SH3KBP1: variants seen among roughly 807,000 people sequenced by gnomAD.
The protein encoded by SH3KBP1 is SH3 domain-containing kinase-binding protein 1.
SH3KBP1 carries 8 observed loss-of-function variants against 50.1 expected under a neutral mutation model. The observed-to-expected ratio is 0.16, with a 90% CI of 0.09 to 0.29. The LOEUF is 0.29. Among genes scored for constraint, SH3KBP1 ranks in the 10% least tolerant of loss-of-function variants. The pLI is 1.00. For synonymous variants in SH3KBP1, 227 were observed against 218.6 expected, an observed-to-expected ratio of 1.04 and a Z score of -0.34; for missense variants, 377 against 535.2, an observed-to-expected ratio of 0.70 and a Z score of 2.92.
intron 4 of SH3KBP1, among the ~76,000 whole-genome samples, chrX:19,699,385 G>A (rs1022809112): frequency 1.8e-5 from 2 of 112,677 alleles, no homozygotes; most frequent in African/African-American, 6.4e-5. Flanking sequence ...GGCAGATGCC[G>A]TTCCCCACTC....
intron 2 of SH3KBP1, among the ~76,000 whole-genome samples, chrX:19,820,028 T>C (rs2067479637): frequency 8.9e-6 from 1 of 112,162 alleles, no homozygotes; most frequent in East Asian, 2.8e-4. Flanking sequence ...TTCTGATCTT[T>C]CCATTACTGA....
chrX:19,695,868 G>A, intron 4 of SH3KBP1, 127 bp from the exon 5 acceptor site: 2 of 561,701 alleles, frequency 3.6e-6, no homozygotes, highest in East Asian at 7.3e-5. Flanking sequence ...TGGCTTTAAA[G>A]TTAACAGGGA....
intron 6 of SH3KBP1, chrX:19,670,954 G>A (rs2062778602): frequency 2.0e-5 from 23 of 1,127,697 alleles, no homozygotes; most frequent in Non-Finnish European, 2.7e-5. Context: ...CAACAGCACG[G>A]AGCCTGAGGA....
intron 8 of SH3KBP1, among the ~76,000 whole-genome samples, chrX:19,613,045 C>T (rs954769449): frequency 5.5e-4 from 62 of 112,322 alleles, no homozygotes; most frequent in African/African-American, 1.9e-3. Context: ...GGCAAGACAG[C>T]ACCCACTGAG....
chrX:19,837,462 CTT>C (rs777871798), intron 1 of SH3KBP1, among the ~76,000 whole-genome samples: 112 of 72,738 alleles, frequency 1.5e-3, no homozygotes, highest in African/African-American at 6.0e-3. Flanking sequence ...TTTCATAACA[CTT>C]TTTTTTTTTT....
rs566949129 is a variant in SH3KBP1, at chrX:19,690,038, T to TTC, written c.520+5572_520+5573dup. Among the ~76,000 whole-genome samples, 102 of 95,419 alleles carry TTC rather than the reference T, an allele frequency of 1.1e-3. 1 individual carries two copies. The highest frequency in any genetic ancestry group is 0.011 in the East Asian group (36 of 3,385). The allele number at this position is 95,419 out of a possible 115,157, so 82.9% of individuals were successfully genotyped here. A position where few individuals can be genotyped will look rare whatever the true frequency, so the allele number is the denominator to read the frequency against. On this transcript the variant is annotated intron_variant, in intron 5 of 17. Coordinates refer to ENST00000397821, the MANE Select transcript of SH3KBP1 (RefSeq NM_031892.3). ...TGCTATACATTTTTAAAAACCATCT[T>TTC]TCTCTCTCTCTCTCTCTCTCTCTTT...
chrX:19,697,269 A>C (rs989279205), intron 4 of SH3KBP1, among the ~76,000 whole-genome samples: 1 of 112,558 alleles, frequency 8.9e-6, no homozygotes, highest in Admixed American at 9.4e-5. Flanking sequence ...ATTAATAAAT[A>C]CAATGTAAAA....
At chrX:19,801,437 A>G (rs993850244) in intron 2 of SH3KBP1, among the ~76,000 whole-genome samples, 7 of 112,512 alleles carry the variant, frequency 6.2e-5, no homozygotes, top group Admixed American at 5.6e-4. Context: ...GTTCCATGCA[A>G]TCTCAAGTGT....
chrX:19,804,882 A>ACCC (rs1171123464), intron 2 of SH3KBP1, among the ~76,000 whole-genome samples: 7 of 17,366 alleles, frequency 4.0e-4, no homozygotes, highest in African/African-American at 1.6e-3. Context: ...CCCAAACCCT[A>ACCC]CCCCCCCCCC....
intron 6 of SH3KBP1, among the ~76,000 whole-genome samples, chrX:19,650,213 T>C (rs1312404933): frequency 8.9e-6 from 1 of 112,014 alleles, no homozygotes; most frequent in Non-Finnish European, 1.9e-5. Context: ...TATCCATAGA[T>C]AGTACTCAAA....
At chrX:19,760,103 C>T (rs1004078548) in intron 2 of SH3KBP1, among the ~76,000 whole-genome samples, 16 of 103,519 alleles carry the variant, frequency 1.5e-4, no homozygotes, top group Non-Finnish European at 2.9e-4. Flanking sequence ...CACACACACA[C>T]TTGGCTGGGC....
At chrX:19,643,917 A>G (rs1234077098) in intron 7 of SH3KBP1, among the ~76,000 whole-genome samples, 1 of 112,077 alleles carries the variant, frequency 8.9e-6, no homozygotes, top group Non-Finnish European at 1.9e-5. Flanking sequence ...CCAAGTTCAC[A>G]TGGCTAGCTA....
chrX:19,881,457 T>G (rs1569494579), intron 1 of SH3KBP1, among the ~76,000 whole-genome samples: 1 of 112,125 alleles, frequency 8.9e-6, no homozygotes, highest in Non-Finnish European at 1.9e-5. Context: ...GTGCTTAGTT[T>G]GCAACATGCT....
intron 1 of SH3KBP1, among the ~76,000 whole-genome samples, chrX:19,867,752 A>T (rs16981294): frequency 0.01 from 1,136 of 111,663 alleles, 14 homozygotes; most frequent in African/African-American, 0.035. Flanking sequence ...CTCCTAAGTT[A>T]TCACCACAGA....
intron 2 of SH3KBP1, among the ~76,000 whole-genome samples, chrX:19,774,296 C>T (rs1422223140): frequency 9.0e-6 from 1 of 111,164 alleles, no homozygotes; most frequent in Admixed American, 9.7e-5. Flanking sequence ...CTTTTATAAA[C>T]AACTGTTTGA....
In SH3KBP1 at chrX:19,541,913, C is replaced by T; in HGVS notation, c.1892+12G>A. On this transcript the variant is annotated intron_variant, in intron 16 of 17. Transcript: ENST00000397821. Reference sequence around the variant, plus strand: ...CCTGGGTGACGGCCCCCAAGAGTCCCCAGGCACTCACTTCTGCTGGTCCTT... The same window carrying T: ...CCTGGGTGACGGCCCCCAAGAGTCCTCAGGCACTCACTTCTGCTGGTCCTT... 8.3e-7 allele frequency: 1 copy of T among 1,200,468 alleles called. No individual in the cohort carries two copies. Among genetic ancestry groups the T allele is most frequent in the Non-Finnish European group, 1.1e-6 (1 of 888,838 alleles).
intron 2 of SH3KBP1, among the ~76,000 whole-genome samples, chrX:19,783,402 A>G (rs1218534176): frequency 1.8e-5 from 2 of 111,933 alleles, no homozygotes; most frequent in African/African-American, 6.5e-5. Flanking sequence ...TCGTGCTTGA[A>G]ACATTTGAAA....
At chrX:19,651,622 G>T (rs2062129270) in intron 6 of SH3KBP1, among the ~76,000 whole-genome samples, 1 of 112,587 alleles carries the variant, frequency 8.9e-6, no homozygotes, top group Non-Finnish European at 1.9e-5. Flanking sequence ...AAAAGTTAGA[G>T]AATTCAAATA....
At chrX:19,711,162 T>G (rs1603078572) in intron 3 of SH3KBP1, among the ~76,000 whole-genome samples, 1 of 111,470 alleles carries the variant, frequency 9.0e-6, no homozygotes, top group Middle Eastern at 4.6e-3. Flanking sequence ...TTAAGCATTC[T>G]CAGTCCTGGG....
Sources: gnomAD v4.1 joint callset for allele counts (sites outside exome capture counted in the v4.1 genomes callset) on GRCh38, gnomAD v4.1.1 for gene constraint, MANE v1.5 for transcripts, NCBI Gene and HGNC (gene_info 2026-07-23, HGNC 2026-07-21) for gene names.